The following ELAVL2 variants were observed in gnomAD, a reference collection of about 807,000 sequenced individuals.
The protein encoded by ELAVL2 is ELAV like RNA binding protein 2.
Under a neutral mutation model 34.6 loss-of-function variants are expected in ELAVL2, and 4 were observed. That is an observed-to-expected ratio of 0.12 (90% confidence interval 0.06 to 0.26). ELAVL2 has a LOEUF of 0.26. Among genes scored for constraint, ELAVL2 ranks in the 10% least tolerant of loss-of-function variants. ELAVL2 has a pLI of 1.00. For missense variants in ELAVL2, 432 were observed against 442.8 expected (o/e 0.98, Z 0.22); for synonymous variants, 193 against 154.8 (o/e 1.25, Z -1.83).
chr9:23,810,255 C>T (rs2062801336), intron 1 of ELAVL2, among the ~76,000 whole-genome samples: 1 of 151,936 alleles, frequency 6.6e-6, no homozygotes, highest in South Asian at 2.1e-4. Context: ...TGCCAGCTGG[C>T]ATCAGAAAGT....
intron 1 of ELAVL2, among the ~76,000 whole-genome samples, chr9:23,810,476 C>A (rs567007127): frequency 9.8e-4 from 149 of 152,214 alleles, no homozygotes; most frequent in African/African-American, 3.5e-3. Flanking sequence ...GCCTCTAAAG[C>A]AATTTAATAT....
chr9:23,756,680 A>G (rs1185170960), intron 2 of ELAVL2, among the ~76,000 whole-genome samples: 14 of 152,176 alleles, frequency 9.2e-5, no homozygotes, highest in Admixed American at 9.2e-4. Flanking sequence ...TAACTCAGAG[A>G]CCAATGCTGA....
At chr9:23,749,483 G>A (rs138439504) in intron 2 of ELAVL2, among the ~76,000 whole-genome samples, 3 of 152,144 alleles carry the variant, frequency 2.0e-5, no homozygotes, top group East Asian at 3.9e-4. Flanking sequence ...TTCAAGATAC[G>A]CAGATGGGCT....
At chr9:23,702,489 G>A (rs2037607453) in intron 4 of ELAVL2, among the ~76,000 whole-genome samples, 2 of 151,928 alleles carry the variant, frequency 1.3e-5, no homozygotes, top group African/African-American at 2.4e-5. Flanking sequence ...ACAGGCTAGT[G>A]GGGTGACCAC....
the ELAVL2 span, among the ~76,000 whole-genome samples, chr9:23,838,011 A>T: frequency 5.3e-5 from 8 of 152,192 alleles, no homozygotes; most frequent in Non-Finnish European, 7.3e-5. Context: ...TTTAGCTTTT[A>T]CATATTTTAA....
chr9:23,794,228 A>G (rs2060645479), intron 1 of ELAVL2, among the ~76,000 whole-genome samples: 1 of 152,214 alleles, frequency 6.6e-6, no homozygotes, highest in South Asian at 2.1e-4. Flanking sequence ...AATGACACCA[A>G]TGACATCTAC....
At chr9:23,765,124 C>A (rs762854371) in intron 1 of ELAVL2, 2 of 1,574,220 alleles carry the variant, frequency 1.3e-6, no homozygotes, top group Admixed American at 2.1e-5. Context: ...CAAAAAGTAC[C>A]GTATGTTAGA....
chr9:23,699,665 G>A (rs889151942), intron 5 of ELAVL2, among the ~76,000 whole-genome samples: 1 of 151,914 alleles, frequency 6.6e-6, no homozygotes, highest in African/African-American at 2.4e-5. Context: ...ATTCACTTAA[G>A]ATGTCACAGA....
chr9:23,819,071 G>C (rs1283555317), intron 1 of ELAVL2, among the ~76,000 whole-genome samples: 2 of 152,200 alleles, frequency 1.3e-5, no homozygotes, highest in African/African-American at 4.8e-5. Context: ...GAATAGAAGT[G>C]GGGTGGCAGG....
chr9:23,772,326 A>G (rs2057438099), intron 1 of ELAVL2, among the ~76,000 whole-genome samples: 1 of 152,112 alleles, frequency 6.6e-6, no homozygotes, highest in African/African-American at 2.4e-5. Flanking sequence ...ACAAACTCCA[A>G]AGCAGAAAGA....
rs150569279 is a variant in ELAVL2, at chr9:23,819,059, T to C, written c.-16+6747A>G. Among the ~76,000 whole-genome samples, 947 of 152,312 alleles carry C rather than the reference T, an allele frequency of 6.2e-3. 8 individuals are homozygous for C. The highest frequency in any genetic ancestry group is 0.022 in the African/African-American group (904 of 41,566). On this transcript the variant is annotated intron_variant, in intron 1 of 6. Transcript: ENST00000397312. ...TTAAAGAGAACCTAAGACTTGCTTC[T>C]AGAATAGAAGTGGGGTGGCAGGAGG...
chr9:23,823,706 G>C (rs556668483), intron 1 of ELAVL2, among the ~76,000 whole-genome samples: 1 of 152,284 alleles, frequency 6.6e-6, no homozygotes, highest in East Asian at 1.9e-4. Context: ...CATTTTACAA[G>C]GAAGTCTTAA....
At chr9:23,761,466 C>T (rs1479213796) in intron 2 of ELAVL2, among the ~76,000 whole-genome samples, 1 of 152,038 alleles carries the variant, frequency 6.6e-6, no homozygotes, top group Non-Finnish European at 1.5e-5. Context: ...GAAGGACAAT[C>T]ATATACCATG....
At chr9:23,749,477 A>C (rs2051343747) in intron 2 of ELAVL2, among the ~76,000 whole-genome samples, 6 of 152,142 alleles carry the variant, frequency 3.9e-5, no homozygotes, top group Admixed American at 2.6e-4. Flanking sequence ...AAGGAGTTCA[A>C]GATACGCAGA....
At chr9:23,824,937 C>G (rs1362346361) in intron 1 of ELAVL2, among the ~76,000 whole-genome samples, 1 of 152,144 alleles carries the variant, frequency 6.6e-6, no homozygotes, top group Non-Finnish European at 1.5e-5. Flanking sequence ...CCCCCTCTCC[C>G]CGAAGGCGAA....
intron 3 of ELAVL2, among the ~76,000 whole-genome samples, chr9:23,716,860 G>T (rs968236997): frequency 6.6e-6 from 1 of 152,194 alleles, no homozygotes; most frequent in Non-Finnish European, 1.5e-5. Context: ...GCCCAGCTGA[G>T]CCAGAATAAA....
chr9:23,810,593 G>A (rs917055354), intron 1 of ELAVL2, among the ~76,000 whole-genome samples: 1 of 152,030 alleles, frequency 6.6e-6, no homozygotes, highest in African/African-American at 2.4e-5. Flanking sequence ...TCTTGGATCT[G>A]ATTTCAGCCA....
intron 3 of ELAVL2, among the ~76,000 whole-genome samples, chr9:23,708,803 G>C (rs942372580): frequency 1.3e-5 from 2 of 151,878 alleles, no homozygotes; most frequent in African/African-American, 4.8e-5. Flanking sequence ...CACCACACTG[G>C]CTTTTTTTGT....
At chr9:23,842,505 T>C in the ELAVL2 span, among the ~76,000 whole-genome samples, 1 of 152,110 alleles carries the variant, frequency 6.6e-6, no homozygotes, top group Admixed American at 6.5e-5. Flanking sequence ...TGAAGCACCC[T>C]TGATACTGGC....
Sources: allele counts gnomAD v4.1 joint callset (sites outside exome capture counted in the v4.1 genomes callset), GRCh38; gene constraint gnomAD v4.1.1; transcripts MANE v1.5; gene names NCBI Gene and HGNC (gene_info 2026-07-23, HGNC 2026-07-21).